Variants in DMAC2L observed in about 807,000 individuals in gnomAD.
DMAC2L encodes ATP synthase subunit s, mitochondrial.
A neutral mutation model predicts 22.5 loss-of-function variants in DMAC2L; 21 were observed. The observed-to-expected ratio is 0.93, with a 90% CI of 0.66 to 1.34. DMAC2L has a LOEUF of 1.34. DMAC2L is among the 40% of genes most tolerant of loss of function. DMAC2L has a pLI of 0.00. For missense variants in DMAC2L, 239 were observed against 246.5 expected, an observed-to-expected ratio of 0.97 and a Z score of 0.20; for synonymous variants, 86 against 89.5, an observed-to-expected ratio of 0.96 and a Z score of 0.22.
rs144405132 is a variant in DMAC2L at position 50,324,019 on chromosome 14, A to G, written c.391A>G (p.Ser131Gly). The G allele has an allele frequency of 1.2e-6, 2 of 1,614,062 alleles. No individual in the cohort carries two copies. Among genetic ancestry groups the G allele is most frequent in the African/African-American group, 1.3e-5 (1 of 74,938 alleles). Residue 131 changes from serine to glycine, a missense_variant, in exon 5 of 6, where the codon AGT becomes GGT. By Grantham distance (56) the Ser-to-Gly change is moderately conservative (BLOSUM62 0). Transcript: ENST00000557421. ...CGAGGATGACTGTTTGCTGAGACTT[A>G]GTCAACTTGAAAATTTACAAAAAAC... is the stretch of plus-strand genomic sequence containing the variant. ...YIEDDCLLRL[S>G]QLENLQKTIL...
At chr14:50,312,860 C>T in intron 1 of DMAC2L, 4 of 696,880 alleles carry the variant, frequency 5.7e-6, no homozygotes, top group Non-Finnish European at 9.9e-6. Context: ...GGGCTCCTGG[C>T]GGTGCTATTC....
chr14:50,325,825 T>A lies in DMAC2L; in HGVS notation c.*102T>A. The A allele has an allele frequency of 6.9e-7, 1 of 1,452,720 alleles. No homozygotes were observed. 90.0% of individuals were successfully genotyped at this position (1,452,720 alleles called of 1,614,324 possible). On this transcript the variant is annotated 3_prime_UTR_variant, in exon 6 of 6. Coordinates refer to ENST00000557421, the MANE Select transcript of DMAC2L (RefSeq NM_001382507.1). Reference sequence around the variant, plus strand: ...TCAGTAGAATTATAAGGATGCCATATCATGACATTTTAGAAGTGGAGAGTG... The same window carrying A: ...TCAGTAGAATTATAAGGATGCCATAACATGACATTTTAGAAGTGGAGAGTG...
At chr14:50,311,823 C>T (rs568933466), upstream of DMAC2L, among the ~76,000 whole-genome samples, 35 of 152,356 alleles carry the variant, frequency 2.3e-4, no homozygotes, top group African/African-American at 8.2e-4. Context: ...TGCCTTTCCT[C>T]CGGCCCGTAA....
chr14:50,311,975 C>T, upstream of DMAC2L: 1 of 1,545,130 alleles, frequency 6.5e-7, no homozygotes, highest in East Asian at 2.4e-5. Context: ...CGAGGGGCAG[C>T]AGCGCAGGCG....
intron 1 of DMAC2L, chr14:50,312,856 C>T (rs2031373955): frequency 1.5e-6 from 1 of 689,270 alleles, no homozygotes; most frequent in East Asian, 2.6e-5. Flanking sequence ...TATGGGGCTC[C>T]TGGCGGTGCT....
intron 2 of DMAC2L, among the ~76,000 whole-genome samples, chr14:50,316,453 C>T (rs1458602950): frequency 2.0e-5 from 3 of 152,166 alleles, no homozygotes; most frequent in African/African-American, 7.2e-5. Flanking sequence ...GGTTCTTGGT[C>T]ATGAAACCCT....
At chr14:50,312,858 G>A (rs2031374149) in intron 1 of DMAC2L, 4 of 695,476 alleles carry the variant, frequency 5.8e-6, no homozygotes, top group Non-Finnish European at 7.5e-6. Context: ...TGGGGCTCCT[G>A]GCGGTGCTAT....
Position 50,322,605 on chromosome 14 carries a change from G to A in DMAC2L, c.202G>A (p.Glu68Lys), listed in dbSNP as rs1455527667. 1 of 1,614,188 alleles carries A rather than the reference G, an allele frequency of 6.2e-7. No individual in the cohort carries two copies. Among genetic ancestry groups the A allele is most frequent in the Non-Finnish European group, 8.5e-7 (1 of 1,180,028 alleles). The change falls in exon 4 of 6, where the codon GAG (glutamate) becomes AAG (lysine). Residue 68 changes from glutamate (E) to lysine (K), a missense_variant. Transcript: ENST00000557421. ...CGAMVRYHGQ[E>K]RWQKDYNHLP... ...GGCCATGGTGCGCTACCATGGCCAG[G>A]AGAGGTGGCAGAAGGACTACAACCA...
At position 50,319,222 on chromosome 14, in the gene DMAC2L, AGGGTT is replaced by A. The variant is rs146428791; in HGVS notation, c.-5-2259_-5-2255del. 6.3e-4 allele frequency: 973 copies of A among 1,536,070 alleles called. 8 individuals are homozygous for A. In the East Asian group the frequency reaches 0.015, roughly 24 times the overall value. On this transcript the variant is annotated intron_variant, in intron 2 of 5. Transcript: ENST00000557421. The stretch of plus-strand genomic sequence containing the variant: ...AGAGCGCTTTAACAAAAAGTTGGAA[AGGGTT>A]GAGAACATGATAAGAGGTAGTGGAG...
chr14:50,312,731 A>G, intron 1 of DMAC2L: 1 of 367,210 alleles, frequency 2.7e-6, no homozygotes, highest in Non-Finnish European at 5.0e-6. Flanking sequence ...TCCCGGCCCC[A>G]GCCCAGTCGA....
At chr14:50,324,168 G>T (rs1020786867) in intron 5 of DMAC2L, 52 bp downstream of exon 5, 29 of 1,513,970 alleles carry the variant, frequency 1.9e-5, no homozygotes, top group African/African-American at 2.8e-5. Flanking sequence ...AAGGTGAATA[G>T]TTAGAATTTA....
intron 4 of DMAC2L, 101 bp from the exon 5 acceptor site, chr14:50,323,844 T>C (rs112883777): frequency 3.1e-6 from 3 of 960,808 alleles, no homozygotes; most frequent in Non-Finnish European, 3.1e-6. Context: ...TCCCAGGACA[T>C]AGGACTTTCA....
chr14:50,324,232 A>C (rs1245693280), intron 5 of DMAC2L, 116 bp downstream of exon 5: 1 of 1,106,462 alleles, frequency 9.0e-7, no homozygotes, highest in Non-Finnish European at 1.3e-6. Flanking sequence ...TAATTTTAAA[A>C]AATGACCTCA....
chr14:50,322,040 G>C (rs1393065465), intron 3 of DMAC2L, among the ~76,000 whole-genome samples: 1 of 152,128 alleles, frequency 6.6e-6, no homozygotes, highest in Non-Finnish European at 1.5e-5. Context: ...ACTTAATACA[G>C]CATTATGATC....
intron 2 of DMAC2L, among the ~76,000 whole-genome samples, chr14:50,315,591 G>A (rs1320435937): frequency 6.7e-6 from 1 of 149,164 alleles, no homozygotes; most frequent in African/African-American, 2.5e-5. Context: ...GAACCTGGGA[G>A]GCGGAGGTTG....
rs144300618 is a variant in DMAC2L at position 50,319,871 on chromosome 14, A to G, written c.-5-1612A>G. On this transcript the variant is annotated intron_variant, in intron 2 of 5. Transcript: ENST00000557421. ...GGGCCAAAACTTGGTGTCATTTTCA[A>G]CTCCTCTAGCCCTTGCCCCTACATC... Among the ~76,000 whole-genome samples the G allele has an allele frequency of 2.4e-3, 365 of 152,202 alleles. 1 individual carries two copies. In the Middle Eastern group the frequency reaches 0.065, roughly 27 times the overall value.
intron 1 of DMAC2L, chr14:50,312,849 G>T: frequency 1.5e-6 from 1 of 667,622 alleles, no homozygotes. Flanking sequence ...CTTCTTTTAT[G>T]GGGCTCCTGG....
chr14:50,315,835 T>G (rs1056047580), intron 2 of DMAC2L, among the ~76,000 whole-genome samples: 3 of 152,214 alleles, frequency 2.0e-5, no homozygotes, highest in Non-Finnish European at 1.5e-5. Flanking sequence ...GGTTCCACAT[T>G]TTTTGCAATT....
chr14:50,325,075 A>G (rs2032613822), intron 5 of DMAC2L, among the ~76,000 whole-genome samples: 1 of 152,128 alleles, frequency 6.6e-6, no homozygotes, highest in Non-Finnish European at 1.5e-5. Context: ...TGCCCGGCCT[A>G]GAAGTTTGTT....
Sources: gnomAD v4.1 joint callset for allele counts (sites outside exome capture counted in the v4.1 genomes callset) on GRCh38, gnomAD v4.1.1 for gene constraint, MANE v1.5 for transcripts, NCBI Gene and HGNC (gene_info 2026-07-23, HGNC 2026-07-21) for gene names.